The following EBF3 variants were observed in gnomAD, a reference collection of about 807,000 sequenced individuals.
The protein encoded by EBF3 is transcription factor COE3.
EBF3 carries 18 observed loss-of-function variants against 77.1 expected under a neutral mutation model. The observed-to-expected ratio is 0.23, with a 90% CI of 0.16 to 0.35. EBF3 has a LOEUF of 0.35. Among genes scored for constraint, EBF3 ranks in the 10% least tolerant of loss-of-function variants. The pLI is 1.00. For missense variants in EBF3, 558 were observed against 860.0 expected (o/e 0.65, Z 4.39); for synonymous variants, 350 against 343.5 (o/e 1.02, Z -0.21).
At chr10:129,843,100 G>C (rs994750859) in intron 12 of EBF3, 37 bp downstream of exon 12, 3 of 1,604,282 alleles carry the variant, frequency 1.9e-6, no homozygotes, top group Non-Finnish European at 2.6e-6. Flanking sequence ...TCTGGCATGG[G>C]GGGGAGGATG....
intron 6 of EBF3, among the ~76,000 whole-genome samples, chr10:129,929,749 G>A (rs1228079633): frequency 1.3e-5 from 2 of 152,208 alleles, no homozygotes; most frequent in Non-Finnish European, 2.9e-5. Context: ...GCACACACAA[G>A]TGATTGTTCT....
In EBF3 at chr10:129,870,453, A is replaced by C. The variant is rs1012544635; in HGVS notation, c.782-2541T>G. Among the ~76,000 whole-genome samples, 21 of 151,972 alleles carry C rather than the reference A, an allele frequency of 1.4e-4. No homozygotes were observed. The highest frequency in any genetic ancestry group is 7.4e-5 in the Non-Finnish European group (5 of 67,980). On this transcript the variant is annotated intron_variant, in intron 8 of 16. Coordinates refer to ENST00000440978, the MANE Select transcript of EBF3 (RefSeq NM_001375380.1). This position sits in a 1 kb window ranked among gnomAD's most constrained non-coding sequence, Gnocchi z 4.4. ...GGCCCTGTGATGGGAGGCATCCCTG[A>C]AGACAGATCCTGGTCTGCAGCTTTC... is the stretch of plus-strand genomic sequence containing the variant.
At chr10:129,874,279 G>T (rs1240503653) in intron 7 of EBF3, among the ~76,000 whole-genome samples, 1 of 152,132 alleles carries the variant, frequency 6.6e-6, no homozygotes, top group African/African-American at 2.4e-5. Flanking sequence ...TCTCTGTTGC[G>T]GTGAGAGGCT....
intron 6 of EBF3, among the ~76,000 whole-genome samples, chr10:129,878,823 CAAAA>C (rs10654202): frequency 3.7e-4 from 22 of 58,758 alleles, no homozygotes; most frequent in South Asian, 8.8e-4. Flanking sequence ...AAATCGGTCT[CAAAA>C]AAAAAAAAAA....
Position 129,837,765 on chromosome 10 carries a change from T to C in EBF3, c.*178A>G, listed in dbSNP as rs1456902168. 14 of 750,324 alleles carry C rather than the reference T, an allele frequency of 1.9e-5. No homozygotes were observed. Among genetic ancestry groups the C allele is most frequent in the Non-Finnish European group, 3.0e-5 (14 of 459,496 alleles). The allele number at this position is 750,324 out of a possible 1,614,324, so 46.5% of individuals were successfully genotyped here. ...AAGTAGGCTGTTTGCATGTTGATTC[T>C]TAATAGTTTAAATAAAATCTTTAAA... is the stretch of plus-strand genomic sequence containing the variant. On this transcript the variant is annotated 3_prime_UTR_variant, in exon 17 of 17. Transcript: ENST00000440978.
chr10:129,850,695 T>C (rs761625246), intron 10 of EBF3, among the ~76,000 whole-genome samples: 1 of 152,208 alleles, frequency 6.6e-6, no homozygotes, highest in Non-Finnish European at 1.5e-5. Flanking sequence ...GCAGGAGGAA[T>C]GACACGCATT....
chr10:129,917,041 C>T (rs1171871551), intron 6 of EBF3, among the ~76,000 whole-genome samples: 2 of 152,042 alleles, frequency 1.3e-5, no homozygotes, highest in Non-Finnish European at 2.9e-5. Flanking sequence ...AAGACTAAAC[C>T]CATAAACAAA....
At chr10:129,915,714 C>G (rs578027485) in intron 6 of EBF3, among the ~76,000 whole-genome samples, 1 of 152,360 alleles carries the variant, frequency 6.6e-6, no homozygotes, top group African/African-American at 2.4e-5. Flanking sequence ...AATACGAACA[C>G]ATTCCCGCAT....
chr10:129,892,948 A>G (rs1424204082), intron 6 of EBF3, among the ~76,000 whole-genome samples: 1 of 152,212 alleles, frequency 6.6e-6, no homozygotes, highest in Non-Finnish European at 1.5e-5. Context: ...CATACTTCCC[A>G]TGCTCGTCAT....
intron 6 of EBF3, among the ~76,000 whole-genome samples, chr10:129,930,804 T>C (rs1856969932): frequency 6.8e-6 from 1 of 147,748 alleles, no homozygotes; most frequent in African/African-American, 2.5e-5. Flanking sequence ...TATCTCTATA[T>C]TAACAAATCC....
At chr10:129,889,858 C>A (rs1853886430) in intron 6 of EBF3, among the ~76,000 whole-genome samples, 1 of 150,712 alleles carries the variant, frequency 6.6e-6, no homozygotes, top group Non-Finnish European at 1.5e-5. Flanking sequence ...AGAGGCAGCC[C>A]CCGACCACTT....
chr10:129,871,669 A>T (rs1430005940), intron 8 of EBF3, among the ~76,000 whole-genome samples: 2 of 152,210 alleles, frequency 1.3e-5, no homozygotes, highest in Admixed American at 6.5e-5. Flanking sequence ...TCTCTCAGGA[A>T]GTGACAGAAG....
At chr10:129,959,653 C>A (rs2134630135) in intron 4 of EBF3, among the ~76,000 whole-genome samples, 1 of 152,040 alleles carries the variant, frequency 6.6e-6, no homozygotes, top group African/African-American at 2.4e-5. Flanking sequence ...CGCCCTGGAC[C>A]GGCCGCCGTC....
chr10:129,900,321 G>C (rs1854689600), intron 6 of EBF3, among the ~76,000 whole-genome samples: 1 of 152,126 alleles, frequency 6.6e-6, no homozygotes, highest in African/African-American at 2.4e-5. Context: ...TAACTGAGCA[G>C]CCATCACCTA....
At chr10:129,850,567 G>A (rs892318850) in intron 10 of EBF3, among the ~76,000 whole-genome samples, 4 of 152,214 alleles carry the variant, frequency 2.6e-5, no homozygotes, top group African/African-American at 4.8e-5. Flanking sequence ...GATGCGGGCC[G>A]AGGCAAGGGG....
At chr10:129,868,936 C>T (rs1435434351) in intron 8 of EBF3, among the ~76,000 whole-genome samples, 7 of 152,212 alleles carry the variant, frequency 4.6e-5, no homozygotes, top group Non-Finnish European at 8.8e-5. Flanking sequence ...TTCCGCAGCC[C>T]GGGCCAGGAC....
intron 6 of EBF3, among the ~76,000 whole-genome samples, chr10:129,904,460 GGACA>G (rs1247589401): frequency 1.3e-5 from 2 of 152,046 alleles, no homozygotes; most frequent in Non-Finnish European, 2.9e-5. Flanking sequence ...ATGGATGGAT[GGACA>G]GACAAATGGA....
In EBF3 at chr10:129,848,576, T is replaced by C; in HGVS notation, c.1040-96A>G. On this transcript the variant is annotated intron_variant, in intron 10 of 16. Coordinates refer to ENST00000440978, the MANE Select transcript of EBF3 (RefSeq NM_001375380.1). The surrounding 1 kb of genome is among the most constrained non-coding windows in gnomAD (Gnocchi z 4.4). ...CTTACAAATAAATGTGTAGTTCTCCTGCTCTGATGCTCTCTAAGGCAAGCA... is the reference window on the plus strand; with the variant it reads ...CTTACAAATAAATGTGTAGTTCTCCCGCTCTGATGCTCTCTAAGGCAAGCA... 2 of 1,276,818 alleles carry C rather than the reference T, an allele frequency of 1.6e-6. No homozygotes were observed. Among genetic ancestry groups the C allele is most frequent in the Non-Finnish European group, 2.3e-6 (2 of 875,256 alleles). The allele number at this position is 1,276,818 out of a possible 1,614,324, so 79.1% of individuals were successfully genotyped here.
intron 6 of EBF3, among the ~76,000 whole-genome samples, chr10:129,942,333 T>C (rs527456270): frequency 6.6e-6 from 1 of 152,202 alleles, no homozygotes; most frequent in East Asian, 1.9e-4. Context: ...ATAAGATGCA[T>C]TGACAAAAAT....
Sources: allele counts gnomAD v4.1 joint callset (sites outside exome capture counted in the v4.1 genomes callset), GRCh38; gene constraint gnomAD v4.1.1; non-coding constraint Gnocchi (gnomAD v3.1); transcripts MANE v1.5; gene names NCBI Gene and HGNC (gene_info 2026-07-23, HGNC 2026-07-21).